MYH15: variants seen among roughly 807,000 people sequenced by gnomAD.
MYH15 encodes the protein myosin heavy chain 15.
Under a neutral mutation model 240.5 loss-of-function variants are expected in MYH15, and 227 were observed. The observed-to-expected ratio is 0.94, with a 90% CI of 0.85 to 1.05. The LOEUF is 1.05. MYH15 is among the 50% of genes least tolerant of loss of function. The pLI, the probability that MYH15 is intolerant of heterozygous loss-of-function variation, is 0.00. For synonymous variants in MYH15, 785 were observed against 796.7 expected, an observed-to-expected ratio of 0.99 and a Z score of 0.25; for missense variants, 2,217 against 2,247.5, an observed-to-expected ratio of 0.99 and a Z score of 0.27.
At chr3:108,469,210 C>T (rs573339930) in intron 14 of MYH15, among the ~76,000 whole-genome samples, 13 of 152,292 alleles carry the variant, frequency 8.5e-5, no homozygotes, top group African/African-American at 2.4e-4. Context: ...GTTGCCCTAG[C>T]TCCTTCCTAG....
At chr3:108,471,424 T>C (rs1242681265) in intron 12 of MYH15, among the ~76,000 whole-genome samples, 1 of 152,052 alleles carries the variant, frequency 6.6e-6, no homozygotes, top group Non-Finnish European at 1.5e-5. Context: ...TGACAAAGAC[T>C]CTCTCCTTGA....
At chr3:108,541,986 A>G in the MYH15 span, among the ~76,000 whole-genome samples, 1 of 152,154 alleles carries the variant, frequency 6.6e-6, no homozygotes, top group Non-Finnish European at 1.5e-5. Context: ...TACATAAGAA[A>G]TCTGGTCAAA....
intron 33 of MYH15, among the ~76,000 whole-genome samples, chr3:108,403,987 C>CTTTTT (rs11346006): frequency 6.7e-6 from 1 of 148,294 alleles, no homozygotes. Context: ...TTATTTGTTG[C>CTTTTT]TTTTTTTTTT....
In MYH15 at chr3:108,391,890, G is replaced by A. The variant is rs2082425197; in HGVS notation, c.5300C>T (p.Thr1767Ile). Residue 1767 changes from threonine (T) to isoleucine (I), a missense_variant, in exon 37 of 41, where the codon ACC becomes ATC. Physicochemically the swap from Thr to Ile is moderately conservative, Grantham distance 89 (BLOSUM62 -1). Transcript: ENST00000693548. Reference sequence around the variant, plus strand: ...TCTTGTCCTTTCCAAGTGGGCAATGGTGTCTTGCTTCTTCTTCAGTTCTTC... The same window carrying A: ...TCTTGTCCTTTCCAAGTGGGCAATGATGTCTTGCTTCTTCTTCAGTTCTTC... ...LSEELKKKQD[T>I]IAHLERTREN... 1 of 1,614,118 alleles carries A rather than the reference G, an allele frequency of 6.2e-7. No individual in the cohort carries two copies. The highest frequency in any genetic ancestry group is 1.3e-5 in the African/African-American group (1 of 75,046).
At position 108,505,740 on chromosome 3, in the gene MYH15, C is replaced by G. The variant is rs1207699249; in HGVS notation, c.178G>C (p.Glu60Gln). ...GSEDDGTVIV[E>Q]TADGESLSIK... ...TTCTTTACCTCTCCATCTGCTGTCT[C>G]AACAATTACTGTTCCATCATCTTCA... The change falls in exon 2 of 41, where the codon GAG becomes CAG. Residue 60 changes from glutamate (E) to glutamine (Q), a missense_variant. Physicochemically the swap from Glu to Gln is conservative, Grantham distance 29. Transcript: ENST00000693548. 1 of 1,610,390 alleles carries G rather than the reference C, an allele frequency of 6.2e-7. No individual in the cohort carries two copies. Among genetic ancestry groups the G allele is most frequent in the Non-Finnish European group, 8.5e-7 (1 of 1,178,208 alleles).
At chr3:108,383,250 G>T (rs2082356546) in intron 40 of MYH15, among the ~76,000 whole-genome samples, 1 of 152,150 alleles carries the variant, frequency 6.6e-6, no homozygotes, top group Non-Finnish European at 1.5e-5. Flanking sequence ...TGAATTTTGA[G>T]CCGATCCATC....
In MYH15 at chr3:108,441,084, T is replaced by C; in HGVS notation, c.2832A>G (p.Lys944=). 6.2e-7 allele frequency: 1 copy of C among 1,614,200 alleles called. No individual in the cohort carries two copies. The highest frequency in any genetic ancestry group is 8.5e-7 in the Non-Finnish European group (1 of 1,180,012). Residue 944 remains lysine, a synonymous_variant, in exon 23 of 41, where the codon AAA becomes AAG. Transcript: ENST00000693548. The part of the protein sequence containing the change: ...KLEDECFELK[K]EIDDLETMLV... Reference sequence around the variant, plus strand: ...ACATTGTTTCCAGGTCATCGATTTCTTTCTTCAACTCAAAACATTCATCTT... The same window carrying C: ...ACATTGTTTCCAGGTCATCGATTTCCTTCTTCAACTCAAAACATTCATCTT...
intron 17 of MYH15, among the ~76,000 whole-genome samples, chr3:108,460,000 A>G (rs544514633): frequency 6.6e-6 from 1 of 152,178 alleles, no homozygotes; most frequent in African/African-American, 2.4e-5. Context: ...AAGTCTGGAG[A>G]GGAGGGCAAA....
At chr3:108,449,217 A>C (rs2082952796) in intron 21 of MYH15, among the ~76,000 whole-genome samples, 1 of 152,068 alleles carries the variant, frequency 6.6e-6, no homozygotes, top group African/African-American at 2.4e-5. Flanking sequence ...TTAAAATTCC[A>C]ATGGCATTTT....
At chr3:108,442,704 T>C (rs2082894180) in intron 22 of MYH15, among the ~76,000 whole-genome samples, 1 of 152,048 alleles carries the variant, frequency 6.6e-6, no homozygotes, top group Admixed American at 6.6e-5. Flanking sequence ...ACTCACAATG[T>C]TAATTGAAAT....
chr3:108,417,897 T>C lies in MYH15; in HGVS notation c.3830-967A>G, dbSNP rs78603694. On this transcript the variant is annotated intron_variant, in intron 28 of 40. Transcript: ENST00000693548. ...TGCATATATCTTTTTATAAATCACA[T>C]CGCATACAATATTTTAAAAATCATA... Among the ~76,000 whole-genome samples, 1,171 of 152,048 alleles carry C rather than the reference T, an allele frequency of 7.7e-3. 19 individuals are homozygous for C. The highest frequency in any genetic ancestry group is 0.027 in the African/African-American group (1,101 of 41,462).
At chr3:108,447,377 C>A (rs1274060880) in intron 21 of MYH15, among the ~76,000 whole-genome samples, 2 of 151,660 alleles carry the variant, frequency 1.3e-5, no homozygotes, top group African/African-American at 4.8e-5. Flanking sequence ...GCCCAAAGAA[C>A]CCCAAGTAGA....
At chr3:108,384,870 G>C in intron 38 of MYH15, 88 bp from the exon 39 acceptor site, 2 of 1,161,308 alleles carry the variant, frequency 1.7e-6, no homozygotes, top group Non-Finnish European at 2.5e-6. Context: ...ATAAGGATCA[G>C]GGAACTTTAT....
At chr3:108,444,981 A>G in intron 21 of MYH15, 86 bp from the exon 22 acceptor site, 1 of 1,407,542 alleles carries the variant, frequency 7.1e-7, no homozygotes. Flanking sequence ...ATAAACACAT[A>G]TTTTTAGGAG....
At chr3:108,403,627 G>A (rs1287371465) in intron 33 of MYH15, among the ~76,000 whole-genome samples, 1 of 151,886 alleles carries the variant, frequency 6.6e-6, no homozygotes, top group Non-Finnish European at 1.5e-5. Context: ...GAAAGGGTCT[G>A]GGCTGGTATT....
chr3:108,547,957 C>A, the MYH15 span, among the ~76,000 whole-genome samples: 8 of 152,086 alleles, frequency 5.3e-5, no homozygotes, highest in Non-Finnish European at 8.8e-5. Context: ...TGTATTGGTG[C>A]ATGCAAAGAG....
chr3:108,473,982 A>G (rs968893412), intron 12 of MYH15, among the ~76,000 whole-genome samples: 38 of 152,210 alleles, frequency 2.5e-4, no homozygotes, highest in African/African-American at 7.7e-4. Flanking sequence ...TCCCATCTTA[A>G]ATGCCAATTA....
At chr3:108,439,515 T>A (rs16854613) in intron 24 of MYH15, among the ~76,000 whole-genome samples, 4,534 of 152,312 alleles carry the variant, frequency 0.03, 225 homozygotes, top group East Asian at 0.22. Flanking sequence ...CAGGGTTGAA[T>A]GAAAATTGCA....
intron 1 of MYH15, among the ~76,000 whole-genome samples, chr3:108,506,057 G>A (rs563967482): frequency 1.3e-5 from 2 of 151,986 alleles, no homozygotes; most frequent in Admixed American, 6.5e-5. Flanking sequence ...CAGCTTGGGG[G>A]CACCATAGAC....
Sources: allele counts gnomAD v4.1 joint callset (sites outside exome capture counted in the v4.1 genomes callset), GRCh38; gene constraint gnomAD v4.1.1; transcripts MANE v1.5; gene names NCBI Gene and HGNC (gene_info 2026-07-23, HGNC 2026-07-21).